The following EPRS1 variants were observed in gnomAD, a reference collection of about 807,000 sequenced individuals.
The protein encoded by EPRS1 is glutamyl-prolyl-tRNA synthetase 1.
A neutral mutation model predicts 188.3 loss-of-function variants in EPRS1; 107 were observed. The ratio of observed to expected loss-of-function variants is 0.57; its 90% CI spans 0.49 to 0.67. The LOEUF (loss-of-function observed/expected upper bound fraction) is 0.67, where lower values mean the gene tolerates loss of function less well. Among genes scored for constraint, EPRS1 ranks in the 30% least tolerant of loss-of-function variants. The pLI, the probability that EPRS1 is intolerant of heterozygous loss-of-function variation, is 0.00. For synonymous variants in EPRS1, 596 were observed against 593.1 expected, an observed-to-expected ratio of 1.00 and a Z score of -0.07; for missense variants, 1,577 against 1,802.2, an observed-to-expected ratio of 0.88 and a Z score of 2.26.
chr1:219,983,439 C>T, intron 21 of EPRS1, 41 bp from the exon 22 acceptor site: 2 of 1,436,036 alleles, frequency 1.4e-6, no homozygotes, highest in Non-Finnish European at 1.9e-6. Flanking sequence ...TACATTGAAC[C>T]AAAATTCTAG....
rs1371686597 is a variant in EPRS1, at chr1:220,000,404, ATGTATTT to A, written c.2181+727_2181+733del. On this transcript the variant is annotated intron_variant, in intron 17 of 31. Coordinates refer to ENST00000366923, the MANE Select transcript of EPRS1 (RefSeq NM_004446.3). ...TCACAGCTATTTTCACTATATTACGATGTATTTTGTCTTTTTCGCTCTCATTCTCTCA... is the reference window on the plus strand; with the variant it reads ...TCACAGCTATTTTCACTATATTACGATGTCTTTTTCGCTCTCATTCTCTCA... 1.2e-4 allele frequency among the ~76,000 whole-genome samples: 19 copies of A among 152,300 alleles called. No individual in the cohort carries two copies. In the South Asian group the frequency reaches 3.7e-3, roughly 30 times the overall value.
chr1:220,040,195 G>T lies in EPRS1; in HGVS notation c.121C>A (p.His41Asn). 6.3e-7 allele frequency: 1 copy of T among 1,598,820 alleles called. No individual in the cohort carries two copies. The highest frequency in any genetic ancestry group is 8.6e-7 in the Non-Finnish European group (1 of 1,168,158). Residue 41 changes from histidine to asparagine, a missense_variant, in exon 2 of 32, where the codon CAT (histidine) becomes AAT (asparagine). Coordinates refer to ENST00000366923, the MANE Select transcript of EPRS1 (RefSeq NM_004446.3). ...SVEEGKENIL[H>N]VSENVIFTDV... ...GATGAAAACACTTACTCAGAAACAT[G>T]AAGAATATTCTCTTTCCCTTCTTCA...
chr1:219,980,195 G>A lies in EPRS1; in HGVS notation c.3601C>T (p.Leu1201=), dbSNP rs1660868643. ...CTTCCTTTAACAACAGGAATTGCCA[G>A]GAGTTCTTCATATACCTGAGCATAT... ...DLYAQVYEEL[L]AIPVVKGRKT... The change falls in exon 26 of 32, where the codon CTG becomes TTG. Residue 1201 remains leucine, a synonymous_variant. Coordinates refer to ENST00000366923, the MANE Select transcript of EPRS1 (RefSeq NM_004446.3). 6.2e-7 allele frequency: 1 copy of A among 1,613,260 alleles called. No homozygotes were observed. The highest frequency in any genetic ancestry group is 8.5e-7 in the Non-Finnish European group (1 of 1,179,456).
At position 220,010,265 on chromosome 1, in the gene EPRS1, T is replaced by A. The variant is rs527580569; in HGVS notation, c.1605+681A>T. ...AGGTGACAGGGAATACCCTAGTTAA[T>A]AGAGAATGCACTTCAGATTCCATAT... On this transcript the variant is annotated intron_variant, in intron 13 of 31. Transcript: ENST00000366923. 1.4e-4 allele frequency among the ~76,000 whole-genome samples: 21 copies of A among 152,220 alleles called. No homozygotes were observed. In the South Asian group the frequency reaches 4.2e-3, roughly 30 times the overall value.
chr1:220,029,450 A>C (rs897909423), intron 6 of EPRS1, among the ~76,000 whole-genome samples: 7 of 152,238 alleles, frequency 4.6e-5, no homozygotes, highest in Non-Finnish European at 1.0e-4. Context: ...CTTATGAAAT[A>C]GTTTGTGAAG....
intron 17 of EPRS1, 92 bp from the exon 18 acceptor site, chr1:219,997,434 C>A: frequency 8.6e-7 from 1 of 1,159,598 alleles, no homozygotes; most frequent in Non-Finnish European, 1.2e-6. Flanking sequence ...TATAATGTTT[C>A]CAATTAAAAA....
intron 19 of EPRS1, 56 bp from the exon 20 acceptor site, chr1:219,987,460 C>T: frequency 4.4e-6 from 6 of 1,373,866 alleles, no homozygotes; most frequent in Non-Finnish European, 6.0e-6. Context: ...AAGTCATTGT[C>T]TAAGCACACT....
In EPRS1 at chr1:220,023,582, T is replaced by C. The variant is rs1053794906; in HGVS notation, c.943+682A>G. On this transcript the variant is annotated intron_variant, in intron 8 of 31. Transcript: ENST00000366923. The stretch of plus-strand genomic sequence containing the variant: ...GAGCTTGTACTATATATTATATTCA[T>C]ATTTACCCACATGCCAAAAGGAAGA... Among the ~76,000 whole-genome samples, 5 of 152,220 alleles carry C rather than the reference T, an allele frequency of 3.3e-5. No individual in the cohort carries two copies. In the East Asian group the frequency reaches 7.7e-4, roughly 23 times the overall value.
Position 219,968,845 on chromosome 1 carries a change from G to A in EPRS1, c.4500C>T (p.Asn1500=). 6.2e-7 allele frequency: 1 copy of A among 1,614,148 alleles called. No homozygotes were observed. Among genetic ancestry groups the A allele is most frequent in the South Asian group, 1.1e-5 (1 of 91,092 alleles). The change falls in exon 32 of 32, where the codon AAC becomes AAT. Residue 1500 remains asparagine (N), a synonymous_variant. Transcript: ENST00000366923. ...QPGAKCVCGK[N]PAKYYTLFGR... ...CAAATAAGGTGTAGTACTTGGCAGGGTTCTTGCCACAGACACATTTGGCTC... is the reference window on the plus strand; with the variant it reads ...CAAATAAGGTGTAGTACTTGGCAGGATTCTTGCCACAGACACATTTGGCTC...
Position 220,005,405 on chromosome 1 carries a change from G to C in EPRS1, c.1951-45C>G, listed in dbSNP as rs777218604. 1.5e-5 allele frequency: 15 copies of C among 986,944 alleles called. No homozygotes were observed. The East Asian group carries it at 3.5e-4, about 23-fold the overall frequency. 61.1% of individuals were successfully genotyped at this position (986,944 alleles called of 1,614,324 possible). ...CAAAGTACACTTTCTCAAAATCATAGTAGTAAAATAACTCTAAAATGCAAG... is the reference window on the plus strand; with the variant it reads ...CAAAGTACACTTTCTCAAAATCATACTAGTAAAATAACTCTAAAATGCAAG... On this transcript the variant is annotated intron_variant, in intron 15 of 31. Coordinates refer to ENST00000366923, the MANE Select transcript of EPRS1 (RefSeq NM_004446.3).
chr1:220,038,254 G>A (rs1357622975), intron 2 of EPRS1, among the ~76,000 whole-genome samples: 1 of 151,818 alleles, frequency 6.6e-6, no homozygotes, highest in Non-Finnish European at 1.5e-5. Flanking sequence ...GGCAAGTTTT[G>A]TATTTTTAGT....
intron 28 of EPRS1, among the ~76,000 whole-genome samples, chr1:219,975,300 G>T (rs1457997030): frequency 6.6e-6 from 1 of 152,200 alleles, no homozygotes; most frequent in Non-Finnish European, 1.5e-5. Flanking sequence ...GGCAACGAGA[G>T]ATTGGTGGCA....
intron 5 of EPRS1, 68 bp from the exon 6 acceptor site, chr1:220,030,548 A>T (rs915348619): frequency 8.8e-7 from 1 of 1,140,778 alleles, no homozygotes; most frequent in Admixed American, 1.8e-5. Context: ...CACTCATTCA[A>T]CAAATGTGCC....
chr1:219,987,184 G>A lies in EPRS1; in HGVS notation c.2996C>T (p.Ser999Leu). The change falls in exon 20 of 32, where the codon TCA (serine) becomes TTA (leucine). Residue 999 changes from serine (S) to leucine (L), a missense_variant. Around this residue, in one of 3 missense-constraint regions of EPRS1, gnomAD observed 1,278 missense variants for 1,457.4 expected, o/e 0.88. Coordinates refer to ENST00000366923, the MANE Select transcript of EPRS1 (RefSeq NM_004446.3). ...PSKNQGGGLS[S>L]SGAGEGQGPK... ...CCCCTGCCCTTCTCCTGCTCCACTT[G>A]ATGAGAGCCCACCTCCTTGGTTTTT... 6.2e-7 allele frequency: 1 copy of A among 1,613,996 alleles called. No individual in the cohort carries two copies. Among genetic ancestry groups the A allele is most frequent in the East Asian group, 2.2e-5 (1 of 44,872 alleles).
intron 14 of EPRS1, among the ~76,000 whole-genome samples, 195 bp from the exon 15 acceptor site, chr1:220,006,508 T>C (rs1661491057): frequency 6.6e-6 from 1 of 152,102 alleles, no homozygotes; most frequent in African/African-American, 2.4e-5. Flanking sequence ...AGACATATAT[T>C]GGTTAATAAA....
chr1:220,032,426 T>C lies in EPRS1; in HGVS notation c.489A>G (p.Val163=). The change falls in exon 5 of 32, where the codon GTA becomes GTG. Residue 163 remains valine (V), a synonymous_variant. Transcript: ENST00000366923. ...FLEAQQAFQS[V]GTKWDVSTTK... ...TTGTTGAAACATCCCACTTGGTACC[T>C]ACTGACTGGAAGGCCTGCTGGGCTT... is the stretch of plus-strand genomic sequence containing the variant. The C allele has an allele frequency of 1.2e-6, 2 of 1,613,006 alleles. No homozygotes were observed. Among genetic ancestry groups the C allele is most frequent in the Non-Finnish European group, 1.7e-6 (2 of 1,179,306 alleles).
chr1:220,027,481 A>G (rs1181917114), intron 6 of EPRS1, among the ~76,000 whole-genome samples: 3 of 147,272 alleles, frequency 2.0e-5, no homozygotes, highest in African/African-American at 7.5e-5. Flanking sequence ...AATCCCAACT[A>G]CTCGGGAGGA....
rs770827350 is a variant in EPRS1 at position 219,968,870 on chromosome 1, C to T, written c.4475G>A (p.Gly1492Glu). 3.1e-6 allele frequency: 5 copies of T among 1,614,056 alleles called. No homozygotes were observed. Among genetic ancestry groups the T allele is most frequent in the Non-Finnish European group, 3.4e-6 (4 of 1,179,964 alleles). The change falls in exon 32 of 32, where the codon GGA becomes GAA. Residue 1492 changes from glycine to glutamate, a missense_variant. Gly to Glu is a moderately conservative substitution (Grantham distance 98, BLOSUM62 -2). Transcript: ENST00000366923. ...GTTCTTGCCACAGACACATTTGGCT[C>T]CAGGCTGCAGTTCACAGAGTGGTTT... The part of the protein sequence containing the change: ...PFKPLCELQP[G>E]AKCVCGKNPA...
intron 30 of EPRS1, 91 bp from the exon 31 acceptor site, chr1:219,969,213 AGC>A: frequency 7.6e-6 from 7 of 925,950 alleles, no homozygotes; most frequent in Admixed American, 2.0e-5. Flanking sequence ...TAAACTGGCA[AGC>A]AAAAAGGATA....
Sources: allele counts gnomAD v4.1 joint callset (sites outside exome capture counted in the v4.1 genomes callset), GRCh38; gene constraint gnomAD v4.1.1; regional missense constraint gnomAD v4.1.1; transcripts MANE v1.5; gene names NCBI Gene and HGNC (gene_info 2026-07-23, HGNC 2026-07-21).